The following PPP2R2D variants were observed in gnomAD, a reference collection of about 807,000 sequenced individuals.
PPP2R2D encodes the protein serine/threonine-protein phosphatase 2A 55 kDa regulatory subunit B delta isoform.
In PPP2R2D, 9 loss-of-function variants were observed where a neutral mutation model predicts 31.1. That is an observed-to-expected ratio of 0.29 (90% CI 0.17 to 0.51). PPP2R2D has a LOEUF of 0.51. Among genes scored for constraint, PPP2R2D ranks in the 20% least tolerant of loss-of-function variants. The pLI, the probability that PPP2R2D is intolerant of heterozygous loss-of-function variation, is 0.98. For synonymous variants in PPP2R2D, 179 were observed against 172.6 expected (o/e 1.04, Z -0.29); for missense variants, 391 against 465.6 (o/e 0.84, Z 1.48).
chr10:131,968,555 C>T, the PPP2R2D span: 1 of 1,602,062 alleles, frequency 6.2e-7, no homozygotes, highest in Non-Finnish European at 8.6e-7. Context: ...TGTCAGACGC[C>T]TTCCAATATA....
chr10:131,950,270 T>A (rs1371103661), intron 8 of PPP2R2D, among the ~76,000 whole-genome samples: 1 of 151,902 alleles, frequency 6.6e-6, no homozygotes, highest in Non-Finnish European at 1.5e-5. Flanking sequence ...GTGTGAGGCT[T>A]AAAGTGACAG....
intron 2 of PPP2R2D, among the ~76,000 whole-genome samples, chr10:131,932,021 T>A (rs1289780315): frequency 2.7e-5 from 4 of 150,594 alleles, no homozygotes; most frequent in African/African-American, 9.8e-5. Flanking sequence ...CTCACATAGA[T>A]GCTTTTTCTG....
At chr10:131,907,671 AG>A (rs2035617698) in intron 2 of PPP2R2D, among the ~76,000 whole-genome samples, 2 of 151,546 alleles carry the variant, frequency 1.3e-5, no homozygotes, top group African/African-American at 4.9e-5. Context: ...TGAACCCAGG[AG>A]GCGGAGCTTG....
At chr10:131,903,854 A>G (rs1314783037) in intron 2 of PPP2R2D, among the ~76,000 whole-genome samples, 9 of 152,214 alleles carry the variant, frequency 5.9e-5, no homozygotes, top group African/African-American at 2.2e-4. Flanking sequence ...AGCAGCAAGG[A>G]TCAAGAAGCT....
chr10:131,960,927 C>T (rs544946030), downstream of PPP2R2D, among the ~76,000 whole-genome samples: 1 of 152,194 alleles, frequency 6.6e-6, no homozygotes, highest in Admixed American at 6.5e-5. Flanking sequence ...GGGCGTGGCT[C>T]TGCTCGTCCT....
At chr10:131,943,060 C>G (rs1232450463) in intron 5 of PPP2R2D, among the ~76,000 whole-genome samples, 6 of 152,174 alleles carry the variant, frequency 3.9e-5, no homozygotes, top group African/African-American at 1.4e-4. Flanking sequence ...ACAAAAAATA[C>G]TATCATTAAT....
chr10:131,909,450 T>A (rs1316796362), intron 2 of PPP2R2D, among the ~76,000 whole-genome samples: 5 of 152,226 alleles, frequency 3.3e-5, no homozygotes, highest in African/African-American at 1.2e-4. Context: ...GGGCTTACTC[T>A]AGTTTCGGGG....
chr10:131,971,141 G>C, the PPP2R2D span: 13 of 632,804 alleles, frequency 2.1e-5, no homozygotes, highest in Admixed American at 1.4e-4. Flanking sequence ...GGCCTTCCCC[G>C]GGCCGCGCCG....
chr10:131,906,193 C>T (rs1261834056), intron 2 of PPP2R2D, among the ~76,000 whole-genome samples: 1 of 152,122 alleles, frequency 6.6e-6, no homozygotes, highest in African/African-American at 2.4e-5. Flanking sequence ...TTATATATTA[C>T]ACTAATTGCT....
Position 131,947,839 on chromosome 10 carries a change from C to G in PPP2R2D, c.1082+48C>G. The G allele has an allele frequency of 6.3e-7, 1 of 1,595,260 alleles. No homozygotes were observed. The highest frequency in any genetic ancestry group is 8.6e-7 in the Non-Finnish European group (1 of 1,167,254). On this transcript the variant is annotated intron_variant, in intron 8 of 8. Transcript: ENST00000455566. This position sits in a 1 kb window ranked among gnomAD's most constrained non-coding sequence, Gnocchi z 4.3. ...CTGTCGCCCCAAGCTTGCTGGTTTC[C>G]GAGAGTGCAAGGTCAGTGAGGGAGG...
intron 2 of PPP2R2D, among the ~76,000 whole-genome samples, chr10:131,927,164 G>A (rs1396853534): frequency 6.6e-6 from 1 of 152,174 alleles, no homozygotes; most frequent in East Asian, 1.9e-4. Context: ...TTAATGGGAA[G>A]TGGGGTGAGT....
intron 2 of PPP2R2D, among the ~76,000 whole-genome samples, chr10:131,926,578 G>C (rs1444184110): frequency 6.6e-6 from 1 of 152,208 alleles, no homozygotes; most frequent in Non-Finnish European, 1.5e-5. Context: ...TATCCAGAGT[G>C]CCCTGTTGCT....
intron 3 of PPP2R2D, among the ~76,000 whole-genome samples, chr10:131,937,099 G>A (rs2036357225): frequency 6.6e-6 from 1 of 152,230 alleles, no homozygotes; most frequent in Non-Finnish European, 1.5e-5. Context: ...AGAATCGAAG[G>A]AGCGTGGAGG....
At chr10:131,926,460 T>C (rs7912103) in intron 2 of PPP2R2D, among the ~76,000 whole-genome samples, 24,679 of 152,080 alleles carry the variant, frequency 0.16, 2,366 homozygotes, top group African/African-American at 0.26. Context: ...GAGGATCGCT[T>C]GAGCCCAGGA....
chr10:131,932,595 A>C (rs982643935), intron 2 of PPP2R2D, among the ~76,000 whole-genome samples: 1 of 135,880 alleles, frequency 7.4e-6, no homozygotes, highest in Non-Finnish European at 1.5e-5. Context: ...TGCACCCTGG[A>C]GATGGAGGTT....
chr10:131,909,333 C>G (rs1253807117), intron 2 of PPP2R2D, among the ~76,000 whole-genome samples: 1 of 152,112 alleles, frequency 6.6e-6, no homozygotes, highest in African/African-American at 2.4e-5. Flanking sequence ...AGCGGAGGAG[C>G]GACATCAGCT....
intron 5 of PPP2R2D, among the ~76,000 whole-genome samples, 166 bp from the exon 6 acceptor site, chr10:131,943,802 G>A (rs2036484492): frequency 6.6e-6 from 1 of 152,238 alleles, no homozygotes; most frequent in Non-Finnish European, 1.5e-5. Context: ...CCATTTTGTA[G>A]CATATTTTCA....
At chr10:131,926,661 T>A (rs1162629850) in intron 2 of PPP2R2D, among the ~76,000 whole-genome samples, 5 of 152,252 alleles carry the variant, frequency 3.3e-5, no homozygotes, top group African/African-American at 1.2e-4. Context: ...TCTGCATATG[T>A]ACTAAATTCT....
In PPP2R2D at chr10:131,947,550, C is replaced by T. The variant is rs2036564257; in HGVS notation, c.841C>T (p.Pro281Ser). ...TTCAGTTTTTGAAGAGCCTGAAGAT[C>T]CCAGCAGTAGGTCCTTCTTCTCAGA... ...HSKFFEEPED[P>S]SSRSFFSEII... The change falls in exon 8 of 9, where the codon CCC becomes TCC. Residue 281 changes from proline to serine, a missense_variant. Physicochemically the swap from Pro to Ser is moderately conservative, Grantham distance 74. Transcript: ENST00000455566. The surrounding 1 kb of genome is among the most constrained non-coding windows in gnomAD (Gnocchi z 4.3). The T allele has an allele frequency of 1.2e-6, 2 of 1,613,964 alleles. No individual in the cohort carries two copies. Among genetic ancestry groups the T allele is most frequent in the South Asian group, 2.2e-5 (2 of 91,072 alleles).
Sources: gnomAD v4.1 joint callset for allele counts (sites outside exome capture counted in the v4.1 genomes callset) on GRCh38, gnomAD v4.1.1 for gene constraint, Gnocchi (gnomAD v3.1) non-coding constraint, MANE v1.5 for transcripts, NCBI Gene and HGNC (gene_info 2026-07-23, HGNC 2026-07-21) for gene names.